Variants in DPY19L3 observed in about 807,000 individuals in gnomAD.
DPY19L3 encodes the protein dpy-19 like C-mannosyltransferase 3, also known as protein C-mannosyl-transferase DPY19L3.
A neutral mutation model predicts 92.3 loss-of-function variants in DPY19L3; 51 were observed. The ratio of observed to expected loss-of-function variants is 0.55; its 90% CI spans 0.44 to 0.70. The LOEUF is 0.70. DPY19L3 is among the 30% of genes least tolerant of loss of function. DPY19L3 has a pLI of 0.00. For synonymous variants in DPY19L3, 309 were observed against 315.2 expected (o/e 0.98, Z 0.21); for missense variants, 706 against 855.9 (o/e 0.82, Z 2.18).
chr19:32,438,152 A>G (rs1176731135), intron 6 of DPY19L3, among the ~76,000 whole-genome samples: 2 of 152,192 alleles, frequency 1.3e-5, no homozygotes, highest in African/African-American at 4.8e-5. Context: ...TCATTAAATT[A>G]TTGCCTGTCC....
At chr19:32,411,517 G>T (rs1968181626) in intron 3 of DPY19L3, 145 bp downstream of exon 3, 1 of 634,416 alleles carries the variant, frequency 1.6e-6, no homozygotes, top group Non-Finnish European at 2.5e-6. Flanking sequence ...AATAACTTTT[G>T]TGTTTATTAT....
rs1970547793 is a variant in DPY19L3, at chr19:32,477,529, A to C, written c.1705A>C (p.Thr569Pro). ...VELMNWINSN[T>P]PRKAVFAGSM... The stretch of plus-strand genomic sequence containing the variant: ...GACTCTAAAATCTTTCAGCTCTAAC[A>C]CTCCAAGAAAGGCTGTGTTTGCGGG... Residue 569 changes from threonine (T) to proline (P), a missense_variant, in exon 17 of 19, where the codon ACT becomes CCT. Coordinates refer to ENST00000392250, the MANE Select transcript of DPY19L3 (RefSeq NM_001172774.2). 6.2e-7 allele frequency: 1 copy of C among 1,613,830 alleles called. No individual in the cohort carries two copies. The highest frequency in any genetic ancestry group is 8.5e-7 in the Non-Finnish European group (1 of 1,179,998).
chr19:32,479,601 T>G (rs1322930689), intron 17 of DPY19L3: 1 of 436,722 alleles, frequency 2.3e-6, no homozygotes, highest in East Asian at 8.3e-5. Flanking sequence ...CAAGCCCAAA[T>G]CAGAAATCTA....
At chr19:32,459,425 T>A (rs1339155472) in intron 12 of DPY19L3, among the ~76,000 whole-genome samples, 1 of 152,236 alleles carries the variant, frequency 6.6e-6, no homozygotes, top group East Asian at 1.9e-4. Context: ...GTCATTAAAA[T>A]GAGTCCAGAG....
chr19:32,460,791 C>T (rs1470600211), intron 12 of DPY19L3, among the ~76,000 whole-genome samples: 1 of 152,116 alleles, frequency 6.6e-6, no homozygotes, highest in Non-Finnish European at 1.5e-5. Context: ...TTGTCAGTGC[C>T]AAGTATTTAA....
chr19:32,471,260 C>T (rs117592115), intron 16 of DPY19L3, among the ~76,000 whole-genome samples: 14 of 152,188 alleles, frequency 9.2e-5, no homozygotes, highest in African/African-American at 3.1e-4. Context: ...TCCCAAGACG[C>T]CTGGCAGAGA....
chr19:32,417,358 C>T (rs1356754315), intron 3 of DPY19L3, among the ~76,000 whole-genome samples: 2 of 152,188 alleles, frequency 1.3e-5, no homozygotes, highest in African/African-American at 2.4e-5. Context: ...CTCGCTCTGT[C>T]GTCCAGACTG....
At chr19:32,449,525 C>G (rs1185699756) in intron 8 of DPY19L3, among the ~76,000 whole-genome samples, 2 of 152,082 alleles carry the variant, frequency 1.3e-5, no homozygotes, top group Admixed American at 1.3e-4. Flanking sequence ...ACAAAACTTA[C>G]TGCAAAGCTA....
At position 32,482,462 on chromosome 19, in the gene DPY19L3, C is replaced by G. The variant is rs1970703654; in HGVS notation, c.*222C>G. On this transcript the variant is annotated 3_prime_UTR_variant, in exon 19 of 19. Transcript: ENST00000392250. ...TATCTTTCTCATTAATGTTCTTTAG[C>G]CTAAATGTTAACAACTTTCTAAGAG... 2.0e-6 allele frequency: 1 copy of G among 501,430 alleles called. No homozygotes were observed. The highest frequency in any genetic ancestry group is 3.5e-6 in the Non-Finnish European group (1 of 288,640). The allele number at this position is 501,430 out of a possible 1,614,324, so 31.1% of individuals were successfully genotyped here.
chr19:32,465,033 CTT>C (rs1778405784), intron 15 of DPY19L3, among the ~76,000 whole-genome samples: 2 of 152,180 alleles, frequency 1.3e-5, no homozygotes, highest in African/African-American at 2.4e-5. Flanking sequence ...GATTTAGACT[CTT>C]AATATTCAGC....
chr19:32,437,804 C>T (rs905895312), intron 6 of DPY19L3, among the ~76,000 whole-genome samples: 15 of 151,638 alleles, frequency 9.9e-5, no homozygotes, highest in African/African-American at 3.4e-4. Context: ...TTTTTAAAGC[C>T]AATGAAGACT....
intron 10 of DPY19L3, among the ~76,000 whole-genome samples, chr19:32,457,458 A>G (rs1340214494): frequency 6.6e-6 from 1 of 152,320 alleles, no homozygotes; most frequent in Non-Finnish European, 1.5e-5. Context: ...ACTGAACTCA[A>G]TTTTAGCTTC....
intron 7 of DPY19L3, among the ~76,000 whole-genome samples, 156 bp from the exon 8 acceptor site, chr19:32,439,616 ATAGT>A (rs761557878): frequency 1.9e-4 from 29 of 152,320 alleles, no homozygotes; most frequent in Middle Eastern, 3.4e-3. Flanking sequence ...TCACTTTATG[ATAGT>A]TAGAGCTTAA....
intron 8 of DPY19L3, among the ~76,000 whole-genome samples, chr19:32,451,296 C>T (rs993070566): frequency 6.6e-6 from 1 of 152,168 alleles, no homozygotes; most frequent in Non-Finnish European, 1.5e-5. Flanking sequence ...CTATATACTG[C>T]TGTGAAATCA....
At chr19:32,476,570 T>C (rs1264405201) in intron 16 of DPY19L3, among the ~76,000 whole-genome samples, 1 of 149,274 alleles carries the variant, frequency 6.7e-6, no homozygotes, top group Non-Finnish European at 1.5e-5. Flanking sequence ...TTAAATCAGC[T>C]ACTAAGATTC....
intron 15 of DPY19L3, among the ~76,000 whole-genome samples, chr19:32,465,671 A>G (rs770713180): frequency 6.6e-6 from 1 of 152,122 alleles, no homozygotes; most frequent in Non-Finnish European, 1.5e-5. Flanking sequence ...TTATATTTTC[A>G]TGTAGGATTT....
Position 32,411,349 on chromosome 19 carries a change from G to A in DPY19L3, c.214G>A (p.Asp72Asn). 6.2e-7 allele frequency: 1 copy of A among 1,614,054 alleles called. No homozygotes were observed. The highest frequency in any genetic ancestry group is 8.5e-7 in the Non-Finnish European group (1 of 1,180,004). Residue 72 changes from aspartate (D) to asparagine (N), a missense_variant, in exon 3 of 19, where the codon GAT becomes AAT. Transcript: ENST00000392250. ...SVYLATLHEN[D>N]LWFSNIKEVE... ...CTACCTTGCCACGTTACATGAAAATGATTTATGGTTTTCTAATATTAAGGT... is the reference window on the plus strand; with the variant it reads ...CTACCTTGCCACGTTACATGAAAATAATTTATGGTTTTCTAATATTAAGGT...
intron 10 of DPY19L3, among the ~76,000 whole-genome samples, chr19:32,456,951 A>G (rs1324931551): frequency 1.3e-5 from 2 of 152,172 alleles, no homozygotes; most frequent in Admixed American, 1.3e-4. Context: ...GCCTGAGGCT[A>G]GGAGTTCAAA....
chr19:32,460,691 T>G (rs182297736), intron 12 of DPY19L3, among the ~76,000 whole-genome samples: 212 of 152,328 alleles, frequency 1.4e-3, no homozygotes, highest in African/African-American at 4.8e-3. Context: ...ATCTTACGAA[T>G]CCACTGTGGT....
Sources: allele counts gnomAD v4.1 joint callset (sites outside exome capture counted in the v4.1 genomes callset), GRCh38; gene constraint gnomAD v4.1.1; transcripts MANE v1.5; gene names NCBI Gene and HGNC (gene_info 2026-07-23, HGNC 2026-07-21).